Variants in MICU1 observed in about 807,000 individuals in gnomAD.
The protein encoded by MICU1 is calcium uptake protein 1, mitochondrial.
MICU1 carries 45 observed loss-of-function variants against 56.8 expected under a neutral mutation model. That is an observed-to-expected ratio of 0.79 (90% CI 0.62 to 1.02). The LOEUF (loss-of-function observed/expected upper bound fraction) is 1.02, where lower values mean the gene tolerates loss of function less well. MICU1 is among the 50% of genes least tolerant of loss of function. The pLI is 0.00. For missense variants in MICU1, 504 were observed against 587.1 expected, an observed-to-expected ratio of 0.86 and a Z score of 1.46; for synonymous variants, 186 against 195.1, an observed-to-expected ratio of 0.95 and a Z score of 0.39.
intron 5 of MICU1, among the ~76,000 whole-genome samples, chr10:72,525,652 C>T (rs2132393814): frequency 6.6e-6 from 1 of 152,294 alleles, no homozygotes; most frequent in East Asian, 1.9e-4. Flanking sequence ...TAGTCTGCAG[C>T]TTTTCAAGTA....
intron 5 of MICU1, among the ~76,000 whole-genome samples, chr10:72,526,980 T>C (rs1867982204): frequency 6.6e-6 from 1 of 151,486 alleles, no homozygotes; most frequent in Non-Finnish European, 1.5e-5. Context: ...TGTCAAGTGG[T>C]ACTCATGGTA....
intron 8 of MICU1, among the ~76,000 whole-genome samples, chr10:72,435,285 G>A (rs1442898474): frequency 6.6e-6 from 1 of 151,144 alleles, no homozygotes; most frequent in Non-Finnish European, 1.5e-5. Flanking sequence ...CTACTTGGGA[G>A]GCTGAAGTGA....
intron 10 of MICU1, among the ~76,000 whole-genome samples, chr10:72,376,103 C>A (rs1021772057): frequency 5.3e-5 from 8 of 151,844 alleles, no homozygotes; most frequent in African/African-American, 1.9e-4. Flanking sequence ...CCAGCCTGGC[C>A]AAGATGGTGA....
rs778095195 is a variant in MICU1, at chr10:72,375,807, C to T, written c.1246G>A (p.Val416Met). ...VELSDHVCDV[V>M]FALFDCDGNG... Reference sequence around the variant, plus strand: ...CCATCACAGTCAAAGAGTGCAAACACCACATCACACACGTGGTCTGAGAGC... The same window carrying T: ...CCATCACAGTCAAAGAGTGCAAACATCACATCACACACGTGGTCTGAGAGC... Residue 416 changes from valine (V) to methionine (M), a missense_variant, in exon 11 of 12, where the codon GTG (valine) becomes ATG (methionine). Coordinates refer to ENST00000361114, the MANE Select transcript of MICU1 (RefSeq NM_001195518.2). 6.2e-6 allele frequency: 10 copies of T among 1,613,338 alleles called. No homozygotes were observed. Among genetic ancestry groups the T allele is most frequent in the South Asian group, 5.5e-5 (5 of 90,762 alleles).
At chr10:72,566,110 C>A (rs918402877) in intron 2 of MICU1, among the ~76,000 whole-genome samples, 2 of 123,406 alleles carry the variant, frequency 1.6e-5, no homozygotes, top group African/African-American at 6.1e-5. Context: ...ATGGCACAAT[C>A]TTGGCTCACT....
intron 8 of MICU1, among the ~76,000 whole-genome samples, chr10:72,451,717 A>T (rs1384236952): frequency 2.0e-5 from 3 of 151,680 alleles, no homozygotes; most frequent in African/African-American, 2.4e-5. Context: ...TAATTTTAAA[A>T]TTTTTTATAG....
chr10:72,529,576 A>G (rs1839416230), intron 5 of MICU1, among the ~76,000 whole-genome samples: 1 of 152,162 alleles, frequency 6.6e-6, no homozygotes, highest in Admixed American at 6.6e-5. Context: ...TGATGTGGAG[A>G]AAGTTGTCTA....
intron 6 of MICU1, among the ~76,000 whole-genome samples, chr10:72,489,411 C>T (rs1346996207): frequency 6.6e-6 from 1 of 151,812 alleles, no homozygotes; most frequent in Admixed American, 6.6e-5. Context: ...TGTAGTAATA[C>T]TACAGATGAG....
intron 6 of MICU1, among the ~76,000 whole-genome samples, chr10:72,500,272 A>ATATATATT (rs1866987038): frequency 2.1e-4 from 2 of 9,320 alleles, no homozygotes; most frequent in African/African-American, 4.5e-4. Flanking sequence ...ATATATATAT[A>ATATATATT]TATATATATA....
In MICU1 at chr10:72,584,703, C is replaced by T. The variant is rs142430079; in HGVS notation, c.-1-17909G>A. On this transcript the variant is annotated intron_variant, in intron 1 of 11. Coordinates refer to ENST00000361114, the MANE Select transcript of MICU1 (RefSeq NM_001195518.2). ...AGTAGCTGGGACTACAGGCACATGC[C>T]ACACACCTGGCCATTTTTTGAAGCG... Among the ~76,000 whole-genome samples the T allele has an allele frequency of 1.1e-4, 16 of 152,184 alleles. No individual in the cohort carries two copies. The East Asian group carries it at 2.7e-3, about 26-fold the overall frequency.
intron 1 of MICU1, among the ~76,000 whole-genome samples, chr10:72,603,519 G>A (rs1841600627): frequency 6.6e-6 from 1 of 151,804 alleles, no homozygotes; most frequent in Non-Finnish European, 1.5e-5. Context: ...TAATACATCA[G>A]TCAATACATG....
intron 1 of MICU1, among the ~76,000 whole-genome samples, chr10:72,569,238 T>TATATATATA (rs1554890955): frequency 6.7e-5 from 2 of 29,780 alleles, no homozygotes; most frequent in East Asian, 2.0e-3. Context: ...TATATATATA[T>TATATATATA]TTTTTTTTTT....
Position 72,406,886 on chromosome 10 carries a change from C to T in MICU1, c.1180+1043G>A, listed in dbSNP as rs528215552. ...AGGTGATCTACCTGCCTCAGCCTCC[C>T]AAAGTGTTCGGATTACAGGCATGAA... On this transcript the variant is annotated intron_variant, in intron 10 of 11. Transcript: ENST00000361114. Among the ~76,000 whole-genome samples, 29 of 152,294 alleles carry T rather than the reference C, an allele frequency of 1.9e-4. 1 individual carries two copies. In the South Asian group the frequency reaches 5.8e-3, roughly 30 times the overall value.
At chr10:72,511,145 A>G (rs1867434641) in intron 5 of MICU1, among the ~76,000 whole-genome samples, 1 of 152,182 alleles carries the variant, frequency 6.6e-6, no homozygotes, top group Admixed American at 6.5e-5. Context: ...CATTTTTACC[A>G]TTTAACCACA....
chr10:72,445,476 G>A (rs1041839553), intron 8 of MICU1, among the ~76,000 whole-genome samples: 1 of 151,994 alleles, frequency 6.6e-6, no homozygotes, highest in Non-Finnish European at 1.5e-5. Flanking sequence ...CTGAATTGAA[G>A]GATCCATACT....
intron 1 of MICU1, among the ~76,000 whole-genome samples, chr10:72,583,408 G>A (rs1338659484): frequency 6.6e-6 from 1 of 151,696 alleles, no homozygotes; most frequent in Non-Finnish European, 1.5e-5. Context: ...AGTCTCCCAA[G>A]TAGCTGGGAC....
chr10:72,378,957 G>A (rs1489813357), intron 10 of MICU1, among the ~76,000 whole-genome samples: 1 of 152,182 alleles, frequency 6.6e-6, no homozygotes, highest in East Asian at 1.9e-4. Flanking sequence ...TTAGGGTGAA[G>A]AGGAAATTAA....
intron 5 of MICU1, among the ~76,000 whole-genome samples, chr10:72,527,150 A>G (rs1222442095): frequency 6.6e-6 from 1 of 152,158 alleles, no homozygotes; most frequent in Non-Finnish European, 1.5e-5. Flanking sequence ...TCAAAGCAGA[A>G]AAGATTAACT....
intron 8 of MICU1, 58 bp from the exon 9 acceptor site, chr10:72,423,429 A>G: frequency 6.4e-7 from 1 of 1,571,828 alleles, no homozygotes; most frequent in Non-Finnish European, 8.7e-7. Flanking sequence ...TTGACGTGGA[A>G]CACGGAATGA....
Sources: gnomAD v4.1 joint callset for allele counts (sites outside exome capture counted in the v4.1 genomes callset) on GRCh38, gnomAD v4.1.1 for gene constraint, MANE v1.5 for transcripts, NCBI Gene and HGNC (gene_info 2026-07-23, HGNC 2026-07-21) for gene names.